SETDB2: variants seen among roughly 807,000 people sequenced by gnomAD.
SETDB2 encodes the protein SET domain bifurcated histone lysine methyltransferase 2.
Under a neutral mutation model 82.5 loss-of-function variants are expected in SETDB2, and 56 were observed. That is an observed-to-expected ratio of 0.68 (90% CI 0.55 to 0.85). The LOEUF is 0.85. Among genes scored for constraint, SETDB2 ranks in the 40% least tolerant of loss-of-function variants. SETDB2 has a pLI of 0.00. For missense variants in SETDB2, 677 were observed against 816.4 expected (o/e 0.83, Z 2.08); for synonymous variants, 272 against 284.9 (o/e 0.95, Z 0.46).
intron 5 of SETDB2, among the ~76,000 whole-genome samples, chr13:49,468,478 C>T (rs760806068): frequency 2.6e-5 from 4 of 151,600 alleles, no homozygotes; most frequent in African/African-American, 9.7e-5. Flanking sequence ...TACTCTGACA[C>T]GTAGTCTTTA....
Position 49,492,967 on chromosome 13 carries a change from AGC to A in SETDB2, c.*1119_*1120del, listed in dbSNP as rs1491260136. The A allele has an allele frequency of 1.4e-5, 1 of 73,598 alleles. No individual in the cohort carries two copies. The highest frequency in any genetic ancestry group is 5.7e-4 in the East Asian group (1 of 1,764). The allele number at this position is 73,598 out of a possible 1,614,324, so 4.6% of individuals were successfully genotyped here. A position where few individuals can be genotyped will look rare whatever the true frequency, so the allele number is the denominator to read the frequency against. The stretch of plus-strand genomic sequence containing the variant: ...AGCAAGACTCTCTCTCAAAAAAAAC[AGC>A]ACACACACACACACACGAAAACAAT... On this transcript the variant is annotated 3_prime_UTR_variant, in exon 14 of 14. Transcript: ENST00000611815.
At chr13:49,483,199 G>A (rs1958513754) in intron 9 of SETDB2, among the ~76,000 whole-genome samples, 1 of 152,090 alleles carries the variant, frequency 6.6e-6, no homozygotes, top group Admixed American at 6.6e-5. Flanking sequence ...TTTTATGGAT[G>A]TCATAAGTTT....
rs893863060 is a variant in SETDB2, at chr13:49,482,373, A to G, written c.1157-364A>G. On this transcript the variant is annotated intron_variant, in intron 8 of 13. Coordinates refer to ENST00000611815, the MANE Select transcript of SETDB2 (RefSeq NM_001160308.3). ...TTTTGTTAAAAATTTTAAGTTTCAG[A>G]TGATAACGCCTTTTTAACTAGACAT... 28 of 954,710 alleles carry G rather than the reference A, an allele frequency of 2.9e-5. No individual in the cohort carries two copies. The African/African-American group carries it at 4.6e-4, about 16-fold the overall frequency. 59.1% of individuals were successfully genotyped at this position (954,710 alleles called of 1,614,324 possible).
In SETDB2 at chr13:49,452,051, T is replaced by C. The variant is rs988160256; in HGVS notation, c.16+142T>C. Reference sequence around the variant, plus strand: ...AGGGAATTAAGGGTTTATTCTTGTATAGCCACCAATTTTGACTGTCTTTAT... The same window carrying C: ...AGGGAATTAAGGGTTTATTCTTGTACAGCCACCAATTTTGACTGTCTTTAT... On this transcript the variant is annotated intron_variant, in intron 2 of 13. Transcript: ENST00000611815. 1.4e-5 allele frequency: 7 copies of C among 508,196 alleles called. No homozygotes were observed. In the Admixed American group the frequency reaches 3.0e-4, roughly 22 times the overall value. The allele number at this position is 508,196 out of a possible 1,614,324, so 31.5% of individuals were successfully genotyped here. A position where few individuals can be genotyped will look rare whatever the true frequency, so the allele number is the denominator to read the frequency against.
intron 6 of SETDB2, among the ~76,000 whole-genome samples, chr13:49,479,931 T>G (rs922973199): frequency 1.6e-4 from 24 of 152,202 alleles, no homozygotes; most frequent in Non-Finnish European, 2.9e-5. Context: ...CAAGCTTCTG[T>G]GCTGAACAGG....
intron 6 of SETDB2, 148 bp downstream of exon 6, chr13:49,477,187 G>T: frequency 1.4e-6 from 1 of 708,166 alleles, no homozygotes; most frequent in Non-Finnish European, 2.2e-6. Flanking sequence ...TGTAATCCCA[G>T]CACTTTTGGG....
chr13:49,467,238 T>C (rs1395104462), intron 4 of SETDB2, among the ~76,000 whole-genome samples: 1 of 152,000 alleles, frequency 6.6e-6, no homozygotes, highest in Non-Finnish European at 1.5e-5. Flanking sequence ...CTACTAAAAC[T>C]ACAAAAATTA....
chr13:49,456,144 A>G (rs1957877392), intron 2 of SETDB2, among the ~76,000 whole-genome samples: 1 of 152,122 alleles, frequency 6.6e-6, no homozygotes, highest in African/African-American at 2.4e-5. Context: ...GGGTCCACAG[A>G]CCACATTTTG....
intron 11 of SETDB2, 142 bp from the exon 12 acceptor site, chr13:49,488,148 A>G (rs1958633603): frequency 8.1e-7 from 1 of 1,241,430 alleles, no homozygotes. Flanking sequence ...AGTTTCCTTT[A>G]TACAATTAAA....
At chr13:49,487,023 C>T (rs567678303) in intron 11 of SETDB2, among the ~76,000 whole-genome samples, 3 of 151,756 alleles carry the variant, frequency 2.0e-5, no homozygotes, top group Non-Finnish European at 1.5e-5. Flanking sequence ...CAGTGCATAC[C>T]GTTGCTTTTG....
At chr13:49,457,787 G>A (rs1957919103) in intron 2 of SETDB2, among the ~76,000 whole-genome samples, 1 of 152,108 alleles carries the variant, frequency 6.6e-6, no homozygotes. Context: ...TTGTCTTTCA[G>A]CATCACAGCT....
In SETDB2 at chr13:49,444,623, C is replaced by T. The variant is rs982516903; in HGVS notation, c.-576C>T. On this transcript the variant is annotated 5_prime_UTR_variant, in exon 1 of 14. Coordinates refer to ENST00000611815, the MANE Select transcript of SETDB2 (RefSeq NM_001160308.3). Reference sequence around the variant, plus strand: ...GCCCGAGCAGGGGCTGGACCCCAGCCCTTGCAGCCTCCCTTCTCCTGGCAC... The same window carrying T: ...GCCCGAGCAGGGGCTGGACCCCAGCTCTTGCAGCCTCCCTTCTCCTGGCAC... The T allele has an allele frequency of 6.4e-6, 1 of 155,800 alleles. No individual in the cohort carries two copies. The highest frequency in any genetic ancestry group is 2.4e-5 in the African/African-American group (1 of 41,462). The allele number at this position is 155,800 out of a possible 1,614,324, so 9.7% of individuals were successfully genotyped here.
chr13:49,450,621 C>T (rs978201495), intron 1 of SETDB2, among the ~76,000 whole-genome samples: 1 of 152,072 alleles, frequency 6.6e-6, no homozygotes, highest in African/African-American at 2.4e-5. Flanking sequence ...CCATCTGTTT[C>T]CTTTCCCCAG....
At chr13:49,470,214 T>C (rs555252776) in intron 5 of SETDB2, among the ~76,000 whole-genome samples, 89 of 152,306 alleles carry the variant, frequency 5.8e-4, no homozygotes, top group African/African-American at 2.1e-3. Context: ...ATTTCCTTAA[T>C]CTCCCATCTC....
At chr13:49,470,181 T>G (rs554446590) in intron 5 of SETDB2, among the ~76,000 whole-genome samples, 3 of 152,328 alleles carry the variant, frequency 2.0e-5, no homozygotes, top group East Asian at 1.9e-4. Flanking sequence ...TAGGACTGTT[T>G]ATGATTATAT....
In SETDB2 at chr13:49,470,870, C is replaced by T. The variant is rs918566060; in HGVS notation, c.305+2910C>T. On this transcript the variant is annotated intron_variant, in intron 5 of 13. Transcript: ENST00000611815. ...AAAAAAAGATTATACAAACTATCAA[C>T]GGCAAACCCCAGGATGAAATCTTGG... 5.3e-5 allele frequency among the ~76,000 whole-genome samples: 8 copies of T among 151,920 alleles called. 1 individual carries two copies. Among genetic ancestry groups the T allele is most frequent in the Non-Finnish European group, 8.8e-5 (6 of 67,994 alleles).
At chr13:49,463,110 A>G (rs1416952347) in intron 4 of SETDB2, among the ~76,000 whole-genome samples, 4 of 151,990 alleles carry the variant, frequency 2.6e-5, no homozygotes, top group Admixed American at 1.3e-4. Flanking sequence ...GGTTCAAGCA[A>G]TTCTCCTGCC....
At chr13:49,469,938 C>G (rs149102742) in intron 5 of SETDB2, among the ~76,000 whole-genome samples, 1 of 152,094 alleles carries the variant, frequency 6.6e-6, no homozygotes. Context: ...TTATTTTTCT[C>G]CTAACAGATT....
intron 12 of SETDB2, 152 bp from the exon 13 acceptor site, chr13:49,490,670 A>G: frequency 1.9e-6 from 1 of 515,364 alleles, no homozygotes; most frequent in South Asian, 3.4e-5. Context: ...ATGGGTTCCC[A>G]CTATTAACAG....
Sources: gnomAD v4.1 joint callset for allele counts (sites outside exome capture counted in the v4.1 genomes callset) on GRCh38, gnomAD v4.1.1 for gene constraint, MANE v1.5 for transcripts, NCBI Gene and HGNC (gene_info 2026-07-23, HGNC 2026-07-21) for gene names.